The following FAM117A variants were observed in gnomAD, a reference collection of about 807,000 sequenced individuals.
The protein encoded by FAM117A is family with sequence similarity 117 member A, also known as protein FAM117A.
A neutral mutation model predicts 44.1 loss-of-function variants in FAM117A; 21 were observed. The observed-to-expected ratio is 0.48, with a 90% confidence interval of 0.34 to 0.69. The LOEUF is 0.69. FAM117A is among the 30% of genes least tolerant of loss of function. The pLI is 0.01. For synonymous variants in FAM117A, 220 were observed against 238.3 expected, an observed-to-expected ratio of 0.92 and a Z score of 0.71; for missense variants, 498 against 589.9, an observed-to-expected ratio of 0.84 and a Z score of 1.61.
chr17:49,780,301 A>G (rs1040763920), intron 1 of FAM117A, among the ~76,000 whole-genome samples: 2 of 152,188 alleles, frequency 1.3e-5, no homozygotes, highest in African/African-American at 4.8e-5. Context: ...GAGGTTGACT[A>G]GTTTGGGAAA....
In FAM117A at chr17:49,719,906, G is replaced by A. The variant is rs1351372590; in HGVS notation, c.574-12C>T. On this transcript the variant is annotated splice_polypyrimidine_tract_variant and intron_variant, in intron 4 of 7. Coordinates refer to ENST00000240364, the MANE Select transcript of FAM117A (RefSeq NM_030802.4). ...CTGGGAGGGGACGCCTGAGGAAGAG[G>A]CAAATGACAAAATCACACACAGCCC... The A allele has an allele frequency of 1.9e-6, 3 of 1,596,730 alleles. No individual in the cohort carries two copies. The highest frequency in any genetic ancestry group is 1.7e-6 in the Non-Finnish European group (2 of 1,176,340).
chr17:49,719,891 A>G lies in FAM117A; in HGVS notation c.577T>C (p.Ser193Pro). The part of the protein sequence containing the change: ...DHAVRGALRA[S>P]PPSFPSGSPV... ...GACCCTGAGGGGAAGCTGGGAGGGG[A>G]CGCCTGAGGAAGAGGCAAATGACAA... is the stretch of plus-strand genomic sequence containing the variant. Residue 193 changes from serine to proline, a missense_variant, in exon 5 of 8, where the codon TCC becomes CCC. By Grantham distance (74) the Ser-to-Pro change is moderately conservative. Transcript: ENST00000240364. The G allele has an allele frequency of 6.2e-7, 1 of 1,601,026 alleles. No individual in the cohort carries two copies. Among genetic ancestry groups the G allele is most frequent in the Non-Finnish European group, 8.5e-7 (1 of 1,176,820 alleles).
chr17:49,751,768 C>T (rs2073678469), intron 1 of FAM117A, among the ~76,000 whole-genome samples: 1 of 149,428 alleles, frequency 6.7e-6, no homozygotes, highest in Admixed American at 6.7e-5. Flanking sequence ...AATGGTGAAA[C>T]CCTGTCTCTA....
chr17:49,766,406 T>C (rs754586872), upstream of FAM117A, among the ~76,000 whole-genome samples: 29 of 152,226 alleles, frequency 1.9e-4, no homozygotes, highest in Non-Finnish European at 3.5e-4. Context: ...GTAGATATTA[T>C]TGTCCTCATT....
chr17:49,740,173 C>T lies in FAM117A; in HGVS notation c.197-7453G>A, dbSNP rs145892876. On this transcript the variant is annotated intron_variant, in intron 1 of 7. Transcript: ENST00000240364. ...GTCAACATGGCAGAAGGCACACAAA[C>T]GGCAGATAAGACAATGAACCAAGAG... 1.3e-4 allele frequency among the ~76,000 whole-genome samples: 20 copies of T among 152,044 alleles called. No individual in the cohort carries two copies. The East Asian group carries it at 3.3e-3, about 25-fold the overall frequency.
intron 1 of FAM117A, among the ~76,000 whole-genome samples, chr17:49,739,532 G>A (rs1052026841): frequency 2.0e-5 from 3 of 152,178 alleles, no homozygotes; most frequent in African/African-American, 7.2e-5. Flanking sequence ...TTGAGATAGA[G>A]GCTCTTGGGT....
At position 49,716,209 on chromosome 17, in the gene FAM117A, C is replaced by T; in HGVS notation, c.1017G>A (p.Glu339=). The T allele has an allele frequency of 1.9e-6, 3 of 1,608,866 alleles. No individual in the cohort carries two copies. The highest frequency in any genetic ancestry group is 2.5e-6 in the Non-Finnish European group (3 of 1,177,560). ...RPNHSYIFKR[E]PPEGCEKVRV... Reference sequence around the variant, plus strand: ...GCACTTTCTCACAGCCTTCTGGGGGCTCCCGTTTGAAGATGTAGCTATGAT... The same window carrying T: ...GCACTTTCTCACAGCCTTCTGGGGGTTCCCGTTTGAAGATGTAGCTATGAT... The change falls in exon 7 of 8, where the codon GAG becomes GAA. Residue 339 remains glutamate, a synonymous_variant. Transcript: ENST00000240364.
chr17:49,720,039 G>T, intron 4 of FAM117A, 145 bp from the exon 5 acceptor site: 3 of 1,162,326 alleles, frequency 2.6e-6, no homozygotes, highest in Non-Finnish European at 3.5e-6. Flanking sequence ...ATTGCAATAG[G>T]TCCACTCAGG....
rs1309803161 is a variant in FAM117A at position 49,749,757 on chromosome 17, G to A, written c.196+14135C>T. On this transcript the variant is annotated intron_variant, in intron 1 of 7. Coordinates refer to ENST00000240364, the MANE Select transcript of FAM117A (RefSeq NM_030802.4). ...CCACTGCTGGGTCAATGTGAGGCGT[G>A]GACTGGGCTGGGACACACGGCAGTG... is the stretch of plus-strand genomic sequence containing the variant. Among the ~76,000 whole-genome samples the A allele has an allele frequency of 1.4e-5, 2 of 147,992 alleles. 1 individual carries two copies. The highest frequency in any genetic ancestry group is 3.0e-5 in the Non-Finnish European group (2 of 65,756).
intron 1 of FAM117A, among the ~76,000 whole-genome samples, chr17:49,757,801 T>C (rs868121089): frequency 3.3e-5 from 5 of 152,338 alleles, no homozygotes; most frequent in Middle Eastern, 3.4e-3. Flanking sequence ...TCTGTGAAGA[T>C]TGAACCTAGA....
chr17:49,783,271 T>A (rs1328206171), intron 1 of FAM117A, among the ~76,000 whole-genome samples: 1 of 152,152 alleles, frequency 6.6e-6, no homozygotes, highest in Non-Finnish European at 1.5e-5. Context: ...GATGTCTTCA[T>A]CATAAGACAG....
chr17:49,775,106 A>C (rs2073772112), intron 1 of FAM117A, among the ~76,000 whole-genome samples: 1 of 152,110 alleles, frequency 6.6e-6, no homozygotes, highest in African/African-American at 2.4e-5. Flanking sequence ...CTCCTGCCTC[A>C]GCTCCTGAGT....
At chr17:49,743,138 T>C (rs1434169220) in intron 1 of FAM117A, among the ~76,000 whole-genome samples, 1 of 152,208 alleles carries the variant, frequency 6.6e-6, no homozygotes, top group Non-Finnish European at 1.5e-5. Flanking sequence ...GACTCAACTA[T>C]GTCATGACCT....
At chr17:49,759,127 C>T (rs1294067523) in intron 1 of FAM117A, among the ~76,000 whole-genome samples, 1 of 152,150 alleles carries the variant, frequency 6.6e-6, no homozygotes, top group Non-Finnish European at 1.5e-5. Context: ...CCATCACAGC[C>T]CACTGTTGTT....
chr17:49,716,259 C>T lies in FAM117A; in HGVS notation c.967G>A (p.Ala323Thr). ...LEDGSPSPVL[A>T]FAASPRPNHS... Reference sequence around the variant, plus strand: ...TTAGGTCGAGGGGAGGCAGCAAAGGCAAGGACTGGAGATGGGCTGCCATCT... The same window carrying T: ...TTAGGTCGAGGGGAGGCAGCAAAGGTAAGGACTGGAGATGGGCTGCCATCT... Residue 323 changes from alanine to threonine, a missense_variant, in exon 7 of 8, where the codon GCC (alanine) becomes ACC (threonine). By Grantham distance (58) the Ala-to-Thr change is moderately conservative. Coordinates refer to ENST00000240364, the MANE Select transcript of FAM117A (RefSeq NM_030802.4). 6.2e-7 allele frequency: 1 copy of T among 1,612,016 alleles called. No homozygotes were observed. Among genetic ancestry groups the T allele is most frequent in the Non-Finnish European group, 8.5e-7 (1 of 1,178,970 alleles).
At chr17:49,751,943 C>CAAAA (rs71146933) in intron 1 of FAM117A, among the ~76,000 whole-genome samples, 6 of 56,942 alleles carry the variant, frequency 1.1e-4, no homozygotes, top group Admixed American at 2.0e-4. Context: ...GACTCCATCT[C>CAAAA]AAAAAAAAAA....
intron 1 of FAM117A, among the ~76,000 whole-genome samples, chr17:49,737,059 G>A (rs1041330005): frequency 1.3e-5 from 2 of 152,198 alleles, no homozygotes; most frequent in African/African-American, 4.8e-5. Context: ...TTGCATGTGT[G>A]TTCAACACAC....
intron 1 of FAM117A, chr17:49,788,355 G>A (rs2073832647): frequency 6.4e-6 from 1 of 156,802 alleles, no homozygotes; most frequent in Non-Finnish European, 1.4e-5. Context: ...CAACCTGATG[G>A]ATTCTGGGGG....
At chr17:49,786,809 G>C (rs928137812) in intron 1 of FAM117A, among the ~76,000 whole-genome samples, 2 of 151,198 alleles carry the variant, frequency 1.3e-5, no homozygotes, top group African/African-American at 4.9e-5. Context: ...AGGCTGGTAT[G>C]GCTGGGAGTG....
Sources: allele counts gnomAD v4.1 joint callset (sites outside exome capture counted in the v4.1 genomes callset), GRCh38; gene constraint gnomAD v4.1.1; transcripts MANE v1.5; gene names NCBI Gene and HGNC (gene_info 2026-07-23, HGNC 2026-07-21).